The following GRIA3 variants were observed in gnomAD, a reference collection of about 807,000 sequenced individuals.
GRIA3 encodes glutamate receptor 3.
In GRIA3, 3 loss-of-function variants were observed where a neutral mutation model predicts 63.0. The ratio of observed to expected loss-of-function variants is 0.05; its 90% confidence interval spans 0.02 to 0.12. The LOEUF is 0.12. Among genes scored for constraint, GRIA3 ranks in the 10% least tolerant of loss-of-function variants. GRIA3 has a pLI of 1.00. For missense variants in GRIA3, 347 were observed against 700.9 expected, an observed-to-expected ratio of 0.50 and a Z score of 5.70; for synonymous variants, 274 against 257.9, an observed-to-expected ratio of 1.06 and a Z score of -0.60.
intron 4 of GRIA3, among the ~76,000 whole-genome samples, chrX:123,328,052 T>A (rs1274243580): frequency 8.9e-6 from 1 of 111,766 alleles, no homozygotes; most frequent in Non-Finnish European, 1.9e-5. Flanking sequence ...AGATATCTTA[T>A]ATTCTGTTAA....
chrX:123,282,660 C>A (rs944160609), intron 3 of GRIA3, among the ~76,000 whole-genome samples: 12 of 112,753 alleles, frequency 1.1e-4, no homozygotes, highest in African/African-American at 3.5e-4. Context: ...AATCCCACCA[C>A]TTTGGGAGGC....
intron 15 of GRIA3, among the ~76,000 whole-genome samples, chrX:123,483,749 G>A (rs1273695793): frequency 4.5e-5 from 5 of 111,833 alleles, no homozygotes; most frequent in African/African-American, 9.7e-5. Context: ...TGGCTAACAC[G>A]GTGAAACCCT....
chrX:123,483,023 A>T lies in GRIA3; in HGVS notation c.2664A>T (p.Gly888=), dbSNP rs1251042528. The T allele has an allele frequency of 8.3e-7, 1 of 1,205,284 alleles. No homozygotes were observed. The highest frequency in any genetic ancestry group is 1.1e-6 in the Non-Finnish European group (1 of 889,454). The part of the protein sequence containing the change: ...ATYREGYNVY[G]TESVKI ...ACAGAGAAGGCTACAACGTGTATGGAACAGAGAGTGTTAAGATCTAGGGGT... is the reference window on the plus strand; with the variant it reads ...ACAGAGAAGGCTACAACGTGTATGGTACAGAGAGTGTTAAGATCTAGGGGT... The change falls in exon 15 of 16, where the codon GGA becomes GGT. Residue 888 remains glycine, a synonymous_variant. Coordinates refer to ENST00000620443, the MANE Select transcript of GRIA3 (RefSeq NM_007325.5).
intron 2 of GRIA3, among the ~76,000 whole-genome samples, chrX:123,235,600 T>C (rs1204795377): frequency 8.9e-6 from 1 of 111,817 alleles, no homozygotes; most frequent in Non-Finnish European, 1.9e-5. Flanking sequence ...CACAGAAATA[T>C]TTGTTTAATG....
At chrX:123,385,082 G>A (rs2045346946) in intron 5 of GRIA3, among the ~76,000 whole-genome samples, 1 of 111,700 alleles carries the variant, frequency 9.0e-6, no homozygotes, top group Non-Finnish European at 1.9e-5. Flanking sequence ...CTTTTCCTAT[G>A]TCCTAAATGG....
chrX:123,428,654 G>A (rs1389554530), intron 12 of GRIA3, among the ~76,000 whole-genome samples: 1 of 111,802 alleles, frequency 8.9e-6, no homozygotes, highest in Non-Finnish European at 1.9e-5. Context: ...TCAAGTATTT[G>A]TGTACATGGT....
chrX:123,350,539 T>C, intron 4 of GRIA3, among the ~76,000 whole-genome samples: 1 of 112,280 alleles, frequency 8.9e-6, no homozygotes, highest in Non-Finnish European at 1.9e-5. Context: ...TGAAAATGTC[T>C]AGATTAAACA....
intron 1 of GRIA3, chrX:123,184,846 T>C: frequency 2.0e-6 from 1 of 499,619 alleles, no homozygotes; most frequent in Non-Finnish European, 3.6e-6. Context: ...CTGAAGAGCC[T>C]CTGGGACAAG....
intron 5 of GRIA3, among the ~76,000 whole-genome samples, chrX:123,361,646 TTC>T (rs2045175192): frequency 9.0e-6 from 1 of 111,470 alleles, no homozygotes; most frequent in Non-Finnish European, 1.9e-5. Context: ...GAGACTCCTA[TTC>T]TCTCTCTCCC....
At chrX:123,261,873 GA>G (rs754177364) in intron 3 of GRIA3, among the ~76,000 whole-genome samples, 1 of 111,305 alleles carries the variant, frequency 9.0e-6, no homozygotes, top group East Asian at 2.8e-4. Flanking sequence ...TCACATCTCT[GA>G]AAAAAAAGGA....
chrX:123,451,505 TAAAAAAAAAAAAAAAAAAAA>T (rs56991039), intron 12 of GRIA3, among the ~76,000 whole-genome samples: 7 of 16,185 alleles, frequency 4.3e-4, no homozygotes, highest in Admixed American at 1.6e-3. Flanking sequence ...ACTCTGTCTC[TAAAAAAAAAAAAAAAAAAAA>T]AAAAAAAAAA....
intron 3 of GRIA3, among the ~76,000 whole-genome samples, chrX:123,257,547 G>A (rs2147285386): frequency 9.0e-6 from 1 of 110,805 alleles, no homozygotes; most frequent in East Asian, 2.8e-4. Flanking sequence ...CAATCACTTG[G>A]TACAGTTGTT....
At position 123,417,348 on chromosome X, in the gene GRIA3, T is replaced by C. The variant is rs143301277; in HGVS notation, c.1501-54T>C. The C allele has an allele frequency of 5.4e-3, 5,592 of 1,029,313 alleles. 14 individuals carry two copies. The highest frequency in any genetic ancestry group is 6.9e-3 in the Non-Finnish European group (5,073 of 734,127). 84.8% of individuals were successfully genotyped at this position (1,029,313 alleles called of 1,213,427 possible). ...AGTATATTAAGCGACAAATAACTGA[T>C]TAAAGACTGTCTCTAAAAGTCATAT... On this transcript the variant is annotated intron_variant, in intron 10 of 15. Transcript: ENST00000620443.
chrX:123,483,195 T>C, intron 15 of GRIA3, 149 bp downstream of exon 15: 1 of 511,395 alleles, frequency 2.0e-6, no homozygotes, highest in Non-Finnish European at 3.2e-6. Flanking sequence ...ATGGTTGTGC[T>C]TTCTTGTCAG....
chrX:123,347,809 C>T (rs1306376432), intron 4 of GRIA3, among the ~76,000 whole-genome samples: 2 of 112,336 alleles, frequency 1.8e-5, no homozygotes, highest in Non-Finnish European at 3.8e-5. Flanking sequence ...TTGTTTGCAG[C>T]TTTAAGGGCA....
rs752169237 is a variant in GRIA3 at position 123,228,078 on chromosome X, C to A, written c.269-25225C>A. Among the ~76,000 whole-genome samples, 3 of 112,263 alleles carry A rather than the reference C, an allele frequency of 2.7e-5. No homozygotes were observed. The South Asian group carries it at 1.1e-3, about 41-fold the overall frequency. ...AAATGCTTAAATAACAATAACAGAG[C>A]AGCAGAAAGGAAGAATGGAAATTAT... On this transcript the variant is annotated intron_variant, in intron 2 of 15. Coordinates refer to ENST00000620443, the MANE Select transcript of GRIA3 (RefSeq NM_007325.5).
intron 4 of GRIA3, among the ~76,000 whole-genome samples, chrX:123,331,951 G>A: frequency 9.0e-6 from 1 of 111,618 alleles, no homozygotes; most frequent in Middle Eastern, 4.6e-3. Flanking sequence ...CACTCAGTAG[G>A]TACTCAGTAA....
intron 5 of GRIA3, among the ~76,000 whole-genome samples, chrX:123,364,524 T>C (rs890947967): frequency 8.9e-6 from 1 of 112,528 alleles, no homozygotes; most frequent in African/African-American, 3.2e-5. Flanking sequence ...TTAGTGGGAA[T>C]GTAAATTAGT....
intron 12 of GRIA3, among the ~76,000 whole-genome samples, chrX:123,461,988 T>C (rs890860234): frequency 1.8e-5 from 2 of 111,663 alleles, no homozygotes; most frequent in African/African-American, 3.3e-5. Context: ...ATAGATTTAG[T>C]TGGGAAAAGT....
Sources: gnomAD v4.1 joint callset for allele counts (sites outside exome capture counted in the v4.1 genomes callset) on GRCh38, gnomAD v4.1.1 for gene constraint, MANE v1.5 for transcripts, NCBI Gene and HGNC (gene_info 2026-07-23, HGNC 2026-07-21) for gene names.